COA1: variants seen among roughly 807,000 people sequenced by gnomAD.
The protein encoded by COA1 is cytochrome c oxidase assembly factor 1 homolog.
A neutral mutation model predicts 16.0 loss-of-function variants in COA1; 13 were observed. That is an observed-to-expected ratio of 0.81 (90% CI 0.53 to 1.29). The LOEUF (loss-of-function observed/expected upper bound fraction) is 1.29. Ranked by LOEUF, COA1 falls within the 50% of genes most tolerant of loss-of-function variation. COA1 has a pLI of 0.00. For missense variants in COA1, 179 were observed against 177.0 expected, an observed-to-expected ratio of 1.01 and a Z score of -0.06; for synonymous variants, 65 against 65.7, an observed-to-expected ratio of 0.99 and a Z score of 0.05.
chr7:43,726,490 G>C lies in COA1; in HGVS notation c.-39+2939C>G, dbSNP rs190148071. 1.0e-3 allele frequency among the ~76,000 whole-genome samples: 153 copies of C among 152,278 alleles called. No homozygotes were observed. In the East Asian group the frequency reaches 0.024, roughly 24 times the overall value. On this transcript the variant is annotated intron_variant, in intron 1 of 5. Transcript: ENST00000223336. The stretch of plus-strand genomic sequence containing the variant: ...GAAAATATCTGCCACATATCTAACA[G>C]TCAATGGCTTAAATCCCTACACAAA...
At chr7:43,646,559 G>C (rs1285952525) in intron 3 of COA1, 2 of 456,720 alleles carry the variant, frequency 4.4e-6, no homozygotes, top group Admixed American at 4.7e-5. Flanking sequence ...GCAGTGCCCA[G>C]GTCTCACCGA....
At chr7:43,724,554 G>GA (rs75901570) in intron 1 of COA1, among the ~76,000 whole-genome samples, 14,831 of 126,298 alleles carry the variant, frequency 0.12, 886 homozygotes, top group Admixed American at 0.21. Flanking sequence ...CCATCTCAAA[G>GA]AAAAAAAAAA....
At position 43,692,429 on chromosome 7, in the gene COA1, G is replaced by C. The variant is rs142669791; in HGVS notation, c.-39+37000C>G. Among the ~76,000 whole-genome samples the C allele has an allele frequency of 5.9e-4, 89 of 152,096 alleles. No individual in the cohort carries two copies. In the East Asian group the frequency reaches 0.015, roughly 25 times the overall value. On this transcript the variant is annotated intron_variant, in intron 1 of 5. Transcript: ENST00000223336. ...GCTACTTGGGAGGCTGAGCTGGGAA[G>C]ATCGATTGAGCCCAGGAGGTCAAGG...
At chr7:43,659,169 G>A (rs1287875697) in intron 1 of COA1, 1 of 152,236 alleles carries the variant, frequency 6.6e-6, no homozygotes, top group Non-Finnish European at 1.5e-5. Context: ...ATCCACTTGA[G>A]ATATGAAGCA....
intron 1 of COA1, among the ~76,000 whole-genome samples, chr7:43,715,395 G>A (rs756342320): frequency 3.0e-4 from 46 of 151,134 alleles, no homozygotes; most frequent in Non-Finnish European, 5.3e-4. Flanking sequence ...GGAGAATGGC[G>A]TGAACCCGGG....
chr7:43,717,073 T>C (rs1441337085), intron 1 of COA1, among the ~76,000 whole-genome samples: 1 of 152,184 alleles, frequency 6.6e-6, no homozygotes, highest in African/African-American at 2.4e-5. Context: ...GGGGCCCTCA[T>C]GGAGAACCTC....
At chr7:43,653,184 C>T (rs1226982736) in intron 1 of COA1, among the ~76,000 whole-genome samples, 2 of 151,848 alleles carry the variant, frequency 1.3e-5, no homozygotes, top group African/African-American at 4.8e-5. Flanking sequence ...TAGTGGCGGG[C>T]ACCCGTAGTC....
exon 7 of COA1, chr7:43,609,008 T>C (rs2082657769): frequency 1.3e-5 from 2 of 152,284 alleles, no homozygotes; most frequent in African/African-American, 2.4e-5. Context: ...CAAAGGACAG[T>C]ATATCAGTTA....
At position 43,615,960 on chromosome 7, in the gene COA1, C is replaced by T. The variant is rs144511817; in HGVS notation, c.*134-6465G>A. Among the ~76,000 whole-genome samples, 64 of 152,290 alleles carry T rather than the reference C, an allele frequency of 4.2e-4. 1 individual carries two copies. Among genetic ancestry groups the T allele is most frequent in the Admixed American group, 4.0e-3 (61 of 15,302 alleles). On this transcript the variant is annotated intron_variant and NMD_transcript_variant, in intron 6 of 6. Coordinates refer to the COA1 transcript ENST00000415076. ...TGCACACACCCCAAGCAACCACTCTCGCCCATCACCCTGCTTTGAGTTCCC... is the reference window on the plus strand; with the variant it reads ...TGCACACACCCCAAGCAACCACTCTTGCCCATCACCCTGCTTTGAGTTCCC...
intron 6 of COA1, chr7:43,622,348 A>G (rs2083984818): frequency 1.3e-5 from 2 of 151,928 alleles, no homozygotes; most frequent in Admixed American, 1.3e-4. Context: ...TCTTCCTCCC[A>G]CTCATTTATT....
chr7:43,619,821 A>G (rs898616802), intron 6 of COA1: 3 of 1,422,280 alleles, frequency 2.1e-6, no homozygotes, highest in Admixed American at 4.5e-5. Flanking sequence ...CCAGCTATCT[A>G]CTATGTTGAA....
chr7:43,713,985 G>A (rs1339397391), intron 1 of COA1, among the ~76,000 whole-genome samples: 2 of 149,244 alleles, frequency 1.3e-5, no homozygotes, highest in Non-Finnish European at 3.0e-5. Flanking sequence ...GCAGTGAGCC[G>A]AGATCACACC....
At chr7:43,641,322 A>AAG (rs2087018018) in intron 4 of COA1, 1 of 151,552 alleles carries the variant, frequency 6.6e-6, no homozygotes, top group Non-Finnish European at 1.5e-5. Context: ...ACCTCAAAAA[A>AAG]AAAAAAAAAA....
chr7:43,675,143 A>G (rs988704472), intron 1 of COA1, among the ~76,000 whole-genome samples: 14 of 152,204 alleles, frequency 9.2e-5, no homozygotes, highest in Admixed American at 3.3e-4. Context: ...AAACATGTCA[A>G]AACTATTTCA....
At chr7:43,674,638 T>G (rs1287393778) in intron 1 of COA1, among the ~76,000 whole-genome samples, 1 of 152,250 alleles carries the variant, frequency 6.6e-6, no homozygotes, top group African/African-American at 2.4e-5. Context: ...GTCCATAATT[T>G]TAGTCTGATG....
At chr7:43,622,447 TTAATTG>T (rs757488622) in intron 6 of COA1, 2 of 152,210 alleles carry the variant, frequency 1.3e-5, no homozygotes, top group Non-Finnish European at 2.9e-5. Context: ...ATTCCTTTTT[TTAATTG>T]TAATTACCAC....
chr7:43,639,394 C>A lies in COA1; in HGVS notation c.*188G>T, dbSNP rs2086508767. 4.2e-6 allele frequency: 2 copies of A among 479,140 alleles called. No individual in the cohort carries two copies. Among genetic ancestry groups the A allele is most frequent in the South Asian group, 3.6e-5 (1 of 28,124 alleles). 29.7% of individuals were successfully genotyped at this position (479,140 alleles called of 1,614,324 possible). ...GATTCAGTTTAAAAATGACAAATAG[C>A]ATTTGTTGTGCCCAAGTTAGAATTA... is the stretch of plus-strand genomic sequence containing the variant. On this transcript the variant is annotated 3_prime_UTR_variant, in exon 6 of 6. Coordinates refer to ENST00000223336, the MANE Select transcript of COA1 (RefSeq NM_018224.4).
At chr7:43,691,411 GGAAGAAAGAAAAAGA>G (rs1563385089) in intron 1 of COA1, among the ~76,000 whole-genome samples, 1 of 104,272 alleles carries the variant, frequency 9.6e-6, no homozygotes, top group African/African-American at 3.7e-5. Flanking sequence ...AAGGAAGGAA[GGAAGAAAGAAAAAGA>G]AAGAAAGAAA....
At chr7:43,640,731 A>G (rs2086840479) in intron 4 of COA1, 82 bp from the exon 5 acceptor site, 7 of 1,025,078 alleles carry the variant, frequency 6.8e-6, no homozygotes, top group African/African-American at 3.3e-5. Context: ...GATGCTTTCT[A>G]GAGCTAAGCC....
Sources: allele counts gnomAD v4.1 joint callset (sites outside exome capture counted in the v4.1 genomes callset), GRCh38; gene constraint gnomAD v4.1.1; transcripts MANE v1.5; gene names NCBI Gene and HGNC (gene_info 2026-07-23, HGNC 2026-07-21).